Variants in CALD1 observed in about 807,000 individuals in gnomAD.
CALD1 encodes the protein caldesmon.
In CALD1, 33 loss-of-function variants were observed where a neutral mutation model predicts 99.9. The observed-to-expected ratio is 0.33, with a 90% CI of 0.25 to 0.44. The LOEUF (loss-of-function observed/expected upper bound fraction) is 0.44, where lower values mean the gene tolerates loss of function less well. CALD1 is among the 20% of genes least tolerant of loss of function. CALD1 has a pLI of 1.00. For synonymous variants in CALD1, 310 were observed against 325.0 expected, an observed-to-expected ratio of 0.95 and a Z score of 0.50; for missense variants, 861 against 962.1, an observed-to-expected ratio of 0.89 and a Z score of 1.39.
rs2131697034 is a variant in CALD1 at position 134,783,733 on chromosome 7, C to A, written c.-130+3984C>A. ...GATTGACAGGTAAGAGACCTTTGAG[C>A]TGGGGCATGTAAGATGGGGAGTGGG... On this transcript the variant is annotated intron_variant, in intron 1 of 14. Transcript: ENST00000361675. The surrounding 1 kb of genome is among the most constrained non-coding windows in gnomAD (Gnocchi z 4.3). 6.6e-6 allele frequency among the ~76,000 whole-genome samples: 1 copy of A among 152,196 alleles called. No homozygotes were observed. Among genetic ancestry groups the A allele is most frequent in the South Asian group, 2.1e-4 (1 of 4,816 alleles).
intron 2 of CALD1, among the ~76,000 whole-genome samples, chr7:134,853,272 G>A (rs181079503): frequency 6.6e-6 from 1 of 152,258 alleles, no homozygotes; most frequent in African/African-American, 2.4e-5. Context: ...CACCTATTTA[G>A]GAGAGAGAAG....
chr7:134,863,476 C>CCACCTGCTCACAAACATCTCCTGCCTAGA (rs1163388600), intron 2 of CALD1, among the ~76,000 whole-genome samples: 2 of 152,200 alleles, frequency 1.3e-5, no homozygotes, highest in Non-Finnish European at 2.9e-5. Context: ...GCTGGGTTAG[C>CCACCTGCTCACAAACATCTCCTGCCTAGA]CACCTGCTCA....
chr7:134,887,172 A>AT (rs1476273817), intron 3 of CALD1, among the ~76,000 whole-genome samples: 6 of 152,242 alleles, frequency 3.9e-5, no homozygotes, highest in Admixed American at 2.0e-4. Context: ...GTAAACTGTG[A>AT]TTTTTCCACA....
intron 1 of CALD1, among the ~76,000 whole-genome samples, chr7:134,781,324 AT>A (rs1562997147): frequency 6.6e-6 from 1 of 152,186 alleles, no homozygotes; most frequent in Non-Finnish European, 1.5e-5. Flanking sequence ...GATAAATTCC[AT>A]TTTGAAACCA....
intron 1 of CALD1, among the ~76,000 whole-genome samples, chr7:134,763,326 A>G (rs936768378): frequency 2.0e-5 from 3 of 152,216 alleles, no homozygotes; most frequent in Non-Finnish European, 4.4e-5. Context: ...ATGGCAGGCA[A>G]AGAGAAGGCA....
intron 3 of CALD1, chr7:134,891,261 G>C: frequency 4.4e-6 from 2 of 457,266 alleles, no homozygotes; most frequent in Non-Finnish European, 6.2e-6. Context: ...TGGAGATCCT[G>C]GCCCTGACTA....
intron 6 of CALD1, 112 bp from the exon 7 acceptor site, chr7:134,940,976 GTTTC>G (rs1268891130): frequency 6.7e-6 from 5 of 746,824 alleles, no homozygotes; most frequent in East Asian, 5.6e-5. Context: ...CATCTGAGTG[GTTTC>G]TTTCTGAGTT....
intron 3 of CALD1, among the ~76,000 whole-genome samples, chr7:134,928,245 C>A (rs1332914130): frequency 6.6e-6 from 1 of 151,536 alleles, no homozygotes; most frequent in East Asian, 1.9e-4. Context: ...GCCTGGCCAG[C>A]TTGGCAAAAC....
At chr7:134,895,445 T>C (rs1273154846) in intron 3 of CALD1, among the ~76,000 whole-genome samples, 1 of 152,236 alleles carries the variant, frequency 6.6e-6, no homozygotes, top group African/African-American at 2.4e-5. Context: ...CATAGTTTTT[T>C]AATCATGCTG....
chr7:134,880,658 A>G lies in CALD1; in HGVS notation c.71+12854A>G, dbSNP rs536795086. The stretch of plus-strand genomic sequence containing the variant: ...TGGAGTTTCATTTGGGGGATCTAAC[A>G]TTCCCTCACTATTTGTCCTTTGATG... On this transcript the variant is annotated intron_variant, in intron 3 of 14. Coordinates refer to ENST00000361675, the MANE Select transcript of CALD1 (RefSeq NM_033138.4). 2.0e-5 allele frequency among the ~76,000 whole-genome samples: 3 copies of G among 152,212 alleles called. No homozygotes were observed. In the East Asian group the frequency reaches 5.8e-4, roughly 29 times the overall value.
intron 13 of CALD1, chr7:134,962,193 TTA>T (rs1425484770): frequency 2.0e-5 from 3 of 152,104 alleles, no homozygotes; most frequent in African/African-American, 7.2e-5. Context: ...CCCTATTCTT[TTA>T]TCAGCACTTT....
At chr7:134,927,920 ATTAT>A (rs1321329228) in intron 3 of CALD1, 1 of 148,038 alleles carries the variant, frequency 6.8e-6, no homozygotes, top group East Asian at 1.9e-4. Flanking sequence ...AATAATATGT[ATTAT>A]TTAATAATAT....
intron 1 of CALD1, among the ~76,000 whole-genome samples, chr7:134,763,026 A>G (rs974222919): frequency 2.6e-5 from 4 of 152,194 alleles, no homozygotes; most frequent in Non-Finnish European, 4.4e-5. Flanking sequence ...ATCTAGGACC[A>G]TATCTCTATC....
chr7:134,751,949 C>T (rs1338846217), intron 1 of CALD1, among the ~76,000 whole-genome samples: 5 of 152,140 alleles, frequency 3.3e-5, no homozygotes, highest in Admixed American at 6.5e-5. Flanking sequence ...GCACTCCAGC[C>T]TGGGTGACAG....
chr7:134,887,688 ATGTG>A (rs768756053), intron 3 of CALD1, among the ~76,000 whole-genome samples: 9 of 139,670 alleles, frequency 6.4e-5, no homozygotes, highest in Non-Finnish European at 9.2e-5. Flanking sequence ...ATGTGTGTGT[ATGTG>A]TATGTGCATG....
intron 3 of CALD1, among the ~76,000 whole-genome samples, chr7:134,918,766 C>T (rs1418242168): frequency 1.3e-5 from 2 of 152,176 alleles, no homozygotes; most frequent in Admixed American, 1.3e-4. Context: ...GAGGCCAAGG[C>T]AGGCAGATTG....
rs1161646066 is a variant in CALD1 at position 134,929,615 on chromosome 7, T to TATACACACAC, written c.218+718_218+719insCACACACATA. Among the ~76,000 whole-genome samples, 4 of 13,126 alleles carry TATACACACAC rather than the reference T, an allele frequency of 3.0e-4. 1 individual carries two copies. The highest frequency in any genetic ancestry group is 1.7e-3 in the African/African-American group (4 of 2,368). 8.6% of individuals were successfully genotyped at this position (13,126 alleles called of 152,430 possible). ...TGAATAGTATTCCATGGTGTGTGTA[T>TATACACACAC]ATATACGTGTGTGTGTGTGTGTGTG... On this transcript the variant is annotated intron_variant, in intron 4 of 14. Coordinates refer to ENST00000361675, the MANE Select transcript of CALD1 (RefSeq NM_033138.4).
At chr7:134,749,716 A>C (rs760147212) in intron 1 of CALD1, among the ~76,000 whole-genome samples, 4 of 152,204 alleles carry the variant, frequency 2.6e-5, no homozygotes, top group Non-Finnish European at 4.4e-5. Context: ...CCAGGTGCTC[A>C]TTCTAACACC....
intron 2 of CALD1, among the ~76,000 whole-genome samples, chr7:134,864,809 T>C (rs1484508008): frequency 1.3e-5 from 2 of 152,212 alleles, no homozygotes; most frequent in South Asian, 2.1e-4. Context: ...GACATATCCA[T>C]AGGTAATGAC....
Sources: allele counts gnomAD v4.1 joint callset (sites outside exome capture counted in the v4.1 genomes callset), GRCh38; gene constraint gnomAD v4.1.1; non-coding constraint Gnocchi (gnomAD v3.1); transcripts MANE v1.5; gene names NCBI Gene and HGNC (gene_info 2026-07-23, HGNC 2026-07-21).